The following TULP4 variants were observed in gnomAD, a reference collection of about 807,000 sequenced individuals.
TULP4 encodes the protein TUB like protein 4, also known as tubby-related protein 4.
Under a neutral mutation model 129.0 loss-of-function variants are expected in TULP4, and 16 were observed. The ratio of observed to expected loss-of-function variants is 0.12; its 90% confidence interval spans 0.08 to 0.19. TULP4 has a LOEUF of 0.19. Among genes scored for constraint, TULP4 ranks in the 10% least tolerant of loss-of-function variants. The pLI, the probability that TULP4 is intolerant of heterozygous loss-of-function variation, is 1.00. For missense variants in TULP4, 1,842 were observed against 2,059.1 expected (o/e 0.89, Z 2.04); for synonymous variants, 998 against 854.0 (o/e 1.17, Z -2.94).
At chr6:158,339,091 T>A (rs1168213621) in intron 1 of TULP4, among the ~76,000 whole-genome samples, 1 of 152,136 alleles carries the variant, frequency 6.6e-6, no homozygotes, top group African/African-American at 2.4e-5. Context: ...TCAACGTGAG[T>A]CCTTTTCTAT....
intron 1 of TULP4, among the ~76,000 whole-genome samples, chr6:158,256,911 G>A (rs1778255596): frequency 6.6e-6 from 1 of 152,172 alleles, no homozygotes; most frequent in Non-Finnish European, 1.5e-5. Flanking sequence ...GGTGTTTCAG[G>A]TGGCAGCAGG....
chr6:158,448,921 A>T, intron 3 of TULP4, 75 bp from the exon 4 acceptor site: 5 of 1,475,788 alleles, frequency 3.4e-6, no homozygotes, highest in Non-Finnish European at 4.6e-6. Context: ...TTCCTAAAAC[A>T]AATCGAGGCA....
intron 8 of TULP4, among the ~76,000 whole-genome samples, chr6:158,485,452 T>C (rs1051683567): frequency 2.6e-5 from 4 of 152,256 alleles, no homozygotes; most frequent in Admixed American, 2.6e-4. Flanking sequence ...CAGTTTGAAC[T>C]GTAGTGGATG....
At position 158,240,706 on chromosome 6, in the gene TULP4, C is replaced by T. The variant is rs1181606471; in HGVS notation, n.68+8403C>T. On this transcript the variant is annotated intron_variant and non_coding_transcript_variant, in intron 1 of 1. Transcript: ENST00000620026. ...CTGGCCAGGCGGGGGGCTGACCCCC[C>T]CCACCTCCCTCCCGGACGGGGCGGC... 8.1e-5 allele frequency among the ~76,000 whole-genome samples: 10 copies of T among 123,574 alleles called. 1 individual carries two copies. The highest frequency in any genetic ancestry group is 6.9e-4 in the Admixed American group (8 of 11,664). 81.1% of individuals were successfully genotyped at this position (123,574 alleles called of 152,430 possible). A position where few individuals can be genotyped will look rare whatever the true frequency, so the allele number is the denominator to read the frequency against.
chr6:158,471,034 G>A (rs1419251514), intron 6 of TULP4, among the ~76,000 whole-genome samples: 1 of 152,152 alleles, frequency 6.6e-6, no homozygotes, highest in Admixed American at 6.6e-5. Flanking sequence ...GCAAGAAAAA[G>A]TACAGCAAGG....
At position 158,476,910 on chromosome 6, in the gene TULP4, G is replaced by C. The variant is rs567264763; in HGVS notation, c.1027-2841G>C. ...TAAGGACCAGCAGTGGAGCTGGGGA[G>C]GGATGAGAATCACAGCTCTTCCACC... On this transcript the variant is annotated intron_variant, in intron 6 of 13. Transcript: ENST00000367097. Among the ~76,000 whole-genome samples, 4 of 152,304 alleles carry C rather than the reference G, an allele frequency of 2.6e-5. No homozygotes were observed. The South Asian group carries it at 8.3e-4, about 32-fold the overall frequency.
At chr6:158,252,941 A>G (rs1232859891) in intron 1 of TULP4, among the ~76,000 whole-genome samples, 3 of 152,160 alleles carry the variant, frequency 2.0e-5, no homozygotes, top group Admixed American at 2.0e-4. Context: ...TCACACACAT[A>G]TGGTAATTTA....
upstream of TULP4, among the ~76,000 whole-genome samples, chr6:158,278,571 A>G (rs763802371): frequency 8.5e-5 from 13 of 152,120 alleles, no homozygotes; most frequent in South Asian, 2.1e-4. Context: ...AACTTTGATA[A>G]TTCTTTTTGT....
intron 1 of TULP4, among the ~76,000 whole-genome samples, chr6:158,317,007 G>A (rs539904434): frequency 5.1e-4 from 77 of 152,228 alleles, no homozygotes; most frequent in African/African-American, 1.5e-3. Context: ...CCCCTGAGCC[G>A]GCCATGCTCA....
chr6:158,450,090 C>T (rs1779133647), intron 4 of TULP4, among the ~76,000 whole-genome samples: 1 of 152,168 alleles, frequency 6.6e-6, no homozygotes, highest in Admixed American at 6.5e-5. Flanking sequence ...AACATGTCAT[C>T]CTCCATGGTA....
chr6:158,265,419 C>T (rs1354522543), intron 1 of TULP4, among the ~76,000 whole-genome samples: 1 of 152,092 alleles, frequency 6.6e-6, no homozygotes. Context: ...GGGTGGCGCA[C>T]CCCTGTAATC....
intron 1 of TULP4, among the ~76,000 whole-genome samples, chr6:158,267,722 G>C (rs528651639): frequency 1.3e-5 from 2 of 152,150 alleles, no homozygotes; most frequent in African/African-American, 4.8e-5. Flanking sequence ...TTTTGCTCCC[G>C]TGTGGATGTG....
At chr6:158,445,924 G>A (rs1779026860) in intron 3 of TULP4, among the ~76,000 whole-genome samples, 1 of 152,130 alleles carries the variant, frequency 6.6e-6, no homozygotes, top group South Asian at 2.1e-4. Flanking sequence ...CATGATTGTG[G>A]TTTCCTAGAG....
chr6:158,391,590 G>T (rs767444365), intron 1 of TULP4, among the ~76,000 whole-genome samples: 16 of 152,134 alleles, frequency 1.1e-4, no homozygotes, highest in Non-Finnish European at 2.2e-4. Flanking sequence ...AGTCTGAGTG[G>T]CAGGGGCTTT....
chr6:158,413,511 T>C lies in TULP4; in HGVS notation c.381+318T>C, dbSNP rs1260490778. 6.6e-6 allele frequency among the ~76,000 whole-genome samples: 1 copy of C among 152,358 alleles called. No individual in the cohort carries two copies. Among genetic ancestry groups the C allele is most frequent in the East Asian group, 1.9e-4 (1 of 5,190 alleles). ...CATGTTAAATTTGGGGCCTCTGGCA[T>C]ATCACTGTTTTGCCCCCTTCGAAAG... On this transcript the variant is annotated intron_variant, in intron 2 of 13. Transcript: ENST00000367097. This position sits in a 1 kb window ranked among gnomAD's most constrained non-coding sequence, Gnocchi z 4.9.
At chr6:158,415,516 A>G (rs998211463) in intron 2 of TULP4, among the ~76,000 whole-genome samples, 3 of 144,876 alleles carry the variant, frequency 2.1e-5, no homozygotes, top group Non-Finnish European at 4.6e-5. Context: ...CGCCCGGCTA[A>G]TTTTTTTTTG....
intron 4 of TULP4, 135 bp from the exon 5 acceptor site, chr6:158,451,999 A>G (rs1428626848): frequency 3.8e-6 from 5 of 1,320,344 alleles, no homozygotes; most frequent in Non-Finnish European, 4.2e-6. Flanking sequence ...TGTTTCATTC[A>G]GGTAGCATCC....
At chr6:158,252,291 T>C (rs1354182447) in intron 1 of TULP4, among the ~76,000 whole-genome samples, 2 of 152,062 alleles carry the variant, frequency 1.3e-5, no homozygotes, top group African/African-American at 2.4e-5. Context: ...CTTGATTTTT[T>C]AGAAAGTCTT....
rs1401762258 is a variant in TULP4 at position 158,240,626 on chromosome 6, G to A, written n.68+8323G>A. Among the ~76,000 whole-genome samples the A allele has an allele frequency of 1.3e-4, 14 of 104,360 alleles. 2 individuals carry two copies. The highest frequency in any genetic ancestry group is 6.8e-4 in the South Asian group (2 of 2,960). 68.5% of individuals were successfully genotyped at this position (104,360 alleles called of 152,430 possible). A position where few individuals can be genotyped will look rare whatever the true frequency, so the allele number is the denominator to read the frequency against. On this transcript the variant is annotated intron_variant and non_coding_transcript_variant, in intron 1 of 1. Transcript: ENST00000620026. ...CAGAGGCGCCCCTCACCTCCCAGAC[G>A]GGGCGGCTGGCCGGGTGGAGGCTGA...
Sources: gnomAD v4.1 joint callset for allele counts (sites outside exome capture counted in the v4.1 genomes callset) on GRCh38, gnomAD v4.1.1 for gene constraint, Gnocchi (gnomAD v3.1) non-coding constraint, MANE v1.5 for transcripts, NCBI Gene and HGNC (gene_info 2026-07-23, HGNC 2026-07-21) for gene names.